The following RIF1 variants were observed in gnomAD, a reference collection of about 807,000 sequenced individuals.
RIF1 encodes replication timing regulatory factor 1.
In RIF1, 45 loss-of-function variants were observed where a neutral mutation model predicts 247.1. The ratio of observed to expected loss-of-function variants is 0.18; its 90% CI spans 0.14 to 0.23. The LOEUF (loss-of-function observed/expected upper bound fraction) is 0.23. Ranked by LOEUF, RIF1 falls within the 10% of genes least tolerant of loss-of-function variation. The pLI, the probability that RIF1 is intolerant of heterozygous loss-of-function variation, is 1.00. For synonymous variants in RIF1, 1,087 were observed against 978.8 expected (o/e 1.11, Z -2.06); for missense variants, 2,967 against 2,862.5 (o/e 1.04, Z -0.83).
intron 10 of RIF1, chr2:151,497,386 A>ATTATT: frequency 2.0e-6 from 2 of 980,180 alleles, no homozygotes; most frequent in Non-Finnish European, 2.4e-6. Context: ...TGAAAAACTC[A>ATTATT]TTATTTTAAA....
intron 9 of RIF1, among the ~76,000 whole-genome samples, chr2:151,429,922 A>AT (rs1421764050): frequency 2.6e-5 from 4 of 151,916 alleles, no homozygotes; most frequent in Admixed American, 1.3e-4. Flanking sequence ...AGTAATGTTG[A>AT]TTTTTATCCT....
At chr2:151,507,078 A>G (rs72861620) in intron 13 of RIF1, 2 of 998,330 alleles carry the variant, frequency 2.0e-6, no homozygotes, top group Non-Finnish European at 1.5e-6. Context: ...TATTTGTCCT[A>G]TATTATGTGA....
chr2:151,454,248 G>A (rs974183096), intron 21 of RIF1, among the ~76,000 whole-genome samples: 2 of 152,124 alleles, frequency 1.3e-5, no homozygotes, highest in Non-Finnish European at 1.5e-5. Flanking sequence ...TTTTGGAATG[G>A]GTAAATTTTT....
At chr2:151,438,488 A>G (rs1320926069) in intron 13 of RIF1, among the ~76,000 whole-genome samples, 196 bp from the exon 14 acceptor site, 9 of 152,184 alleles carry the variant, frequency 5.9e-5, no homozygotes, top group Admixed American at 2.0e-4. Flanking sequence ...AAAATAAACC[A>G]TATTTAGTTT....
Position 151,506,310 on chromosome 2 carries a change from C to T in RIF1, c.*962C>T, listed in dbSNP as rs150007888. On this transcript the variant is annotated 3_prime_UTR_variant and NMD_transcript_variant, in exon 13 of 14. Transcript: ENST00000454583. The stretch of plus-strand genomic sequence containing the variant: ...TAACACAGAAGAAAAGAAAACCCAG[C>T]AGTTCCTGGAGAAAGACTAGGACAC... 3,035 of 1,370,488 alleles carry T rather than the reference C, an allele frequency of 2.2e-3. 26 individuals are homozygous for T. The highest frequency in any genetic ancestry group is 0.012 in the South Asian group (977 of 81,486). The allele number at this position is 1,370,488 out of a possible 1,614,324, so 84.9% of individuals were successfully genotyped here.
chr2:151,421,135 T>G (rs1688099245), intron 7 of RIF1, among the ~76,000 whole-genome samples: 1 of 152,228 alleles, frequency 6.6e-6, no homozygotes, highest in African/African-American at 2.4e-5. Context: ...ATATGTGCAG[T>G]GCATTGTTGC....
chr2:151,433,064 A>AT lies in RIF1; in HGVS notation c.926-9dup. The AT allele has an allele frequency of 6.2e-7, 1 of 1,601,782 alleles. No individual in the cohort carries two copies. ...TGGACGTCTCTTTAACTGTGTGCTT[A>AT]TTTTCTTTTAAGATATACTATGTAG... On this transcript the variant is annotated splice_polypyrimidine_tract_variant and intron_variant, in intron 9 of 35. Coordinates refer to ENST00000444746, the MANE Select transcript of RIF1 (RefSeq NM_018151.5).
the RIF1 span, chr2:151,519,828 G>T: frequency 8.9e-7 from 1 of 1,129,226 alleles, no homozygotes; most frequent in South Asian, 1.2e-5. Flanking sequence ...GGGAATTGGG[G>T]AATAGTAGAA....
In RIF1 at chr2:151,438,810, T is replaced by G. The variant is rs1256010265; in HGVS notation, c.1546+64T>G. The stretch of plus-strand genomic sequence containing the variant: ...ACAGGTGGTGATCAGATGATTTTTA[T>G]AGCATCCGGTGAATTGTTTGACTAT... On this transcript the variant is annotated intron_variant, in intron 14 of 35. Coordinates refer to ENST00000444746, the MANE Select transcript of RIF1 (RefSeq NM_018151.5). The G allele has an allele frequency of 4.3e-6, 4 of 940,178 alleles. No homozygotes were observed. The Admixed American group carries it at 6.9e-5, about 16-fold the overall frequency. 58.2% of individuals were successfully genotyped at this position (940,178 alleles called of 1,614,324 possible).
Position 151,410,484 on chromosome 2 carries a change from G to A in RIF1, c.61G>A (p.Ala21Thr), listed in dbSNP as rs780070552. The A allele has an allele frequency of 1.9e-6, 3 of 1,614,096 alleles. No individual in the cohort carries two copies. The highest frequency in any genetic ancestry group is 1.1e-5 in the South Asian group (1 of 91,038). ...GTTGGAGACTTTGGAAGACCCTTCTGCCTCCCATGGAGGGCAGACTGACGC... is the reference window on the plus strand; with the variant it reads ...GTTGGAGACTTTGGAAGACCCTTCTACCTCCCATGGAGGGCAGACTGACGC... ...PLLETLEDPS[A>T]SHGGQTDAYL... Residue 21 changes from alanine (A) to threonine (T), a missense_variant, in exon 2 of 36, where the codon GCC (alanine) becomes ACC (threonine). Ala to Thr is a moderately conservative substitution (Grantham distance 58, BLOSUM62 0). Transcript: ENST00000444746.
chr2:151,418,750 T>G lies in RIF1; in HGVS notation c.504-1440T>G, dbSNP rs924181730. ...TCAGCCGGGCGTGGTGACGCGTGCC[T>G]GTAATCTCAGCTATATGGGAGACTG... On this transcript the variant is annotated intron_variant, in intron 6 of 35. Transcript: ENST00000444746. Among the ~76,000 whole-genome samples, 33 of 152,072 alleles carry G rather than the reference T, an allele frequency of 2.2e-4. 1 individual carries two copies. The highest frequency in any genetic ancestry group is 7.5e-4 in the African/African-American group (31 of 41,488).
chr2:151,451,283 A>G (rs1694279115), intron 20 of RIF1, among the ~76,000 whole-genome samples: 1 of 152,226 alleles, frequency 6.6e-6, no homozygotes, highest in Admixed American at 6.5e-5. Flanking sequence ...TATTCAGTAT[A>G]GTAACTACAC....
At chr2:151,462,610 C>G in intron 29 of RIF1, 144 bp downstream of exon 29, 1 of 597,802 alleles carries the variant, frequency 1.7e-6, no homozygotes, top group Non-Finnish European at 2.9e-6. Flanking sequence ...CTTTTAACTC[C>G]CATTCAGATA....
downstream of RIF1, chr2:151,485,242 A>AT (rs1261907020): frequency 6.6e-6 from 1 of 152,214 alleles, no homozygotes; most frequent in Non-Finnish European, 1.5e-5. Context: ...AATTTAGATA[A>AT]TTTTTTAGTA....
chr2:151,447,006 C>T (rs993437127), intron 20 of RIF1, among the ~76,000 whole-genome samples: 19 of 148,664 alleles, frequency 1.3e-4, no homozygotes, highest in Admixed American at 3.4e-4. Flanking sequence ...TGCAGTGGCG[C>T]GATCTCGGCT....
intron 10 of RIF1, chr2:151,497,589 T>C (rs1301996234): frequency 1.0e-5 from 16 of 1,542,372 alleles, no homozygotes; most frequent in African/African-American, 1.4e-5. Flanking sequence ...TTCAAAATCA[T>C]TAAATAAGTA....
intron 13 of RIF1, chr2:151,507,125 A>G (rs569860726): frequency 3.7e-5 from 25 of 674,790 alleles, no homozygotes; most frequent in East Asian, 1.4e-4. Flanking sequence ...AAAAAAGTCT[A>G]TGCACAATAA....
chr2:151,526,999 C>T, the RIF1 span: 6 of 1,600,722 alleles, frequency 3.7e-6, no homozygotes, highest in Non-Finnish European at 4.3e-6. Context: ...CCTTGAGGAA[C>T]TCCCGGTCCA....
chr2:151,519,728 G>A, the RIF1 span: 3 of 1,612,944 alleles, frequency 1.9e-6, no homozygotes, highest in African/African-American at 2.7e-5. Context: ...GTATTTTGGT[G>A]TCTTGCCCTT....
Sources: allele counts gnomAD v4.1 joint callset (sites outside exome capture counted in the v4.1 genomes callset), GRCh38; gene constraint gnomAD v4.1.1; transcripts MANE v1.5; gene names NCBI Gene and HGNC (gene_info 2026-07-23, HGNC 2026-07-21).